The following TMTC3 variants were observed in gnomAD, a reference collection of about 807,000 sequenced individuals.
TMTC3 encodes protein O-mannosyl-transferase TMTC3.
A neutral mutation model predicts 92.2 loss-of-function variants in TMTC3; 52 were observed. That is an observed-to-expected ratio of 0.56 (90% CI 0.45 to 0.71). The LOEUF is 0.71. Among genes scored for constraint, TMTC3 ranks in the 30% least tolerant of loss-of-function variants. The probability of loss-of-function intolerance (pLI) is 0.00; values close to 1 mark genes in which losing one functional copy is unlikely to be tolerated. For synonymous variants in TMTC3, 339 were observed against 363.3 expected, an observed-to-expected ratio of 0.93 and a Z score of 0.76; for missense variants, 896 against 1,057.1, an observed-to-expected ratio of 0.85 and a Z score of 2.11.
intron 2 of TMTC3, among the ~76,000 whole-genome samples, chr12:88,152,030 C>T (rs2040949098): frequency 6.6e-6 from 1 of 152,174 alleles, no homozygotes; most frequent in Admixed American, 6.5e-5. Context: ...CTTAAGTCTA[C>T]TTGTGTGCCA....
At chr12:88,184,714 C>T (rs1008469078) in intron 10 of TMTC3, among the ~76,000 whole-genome samples, 1 of 152,096 alleles carries the variant, frequency 6.6e-6, no homozygotes, top group African/African-American at 2.4e-5. Context: ...TTCCTCCCTT[C>T]GTGGAGTTTC....
Position 88,166,348 on chromosome 12 carries a change from T to A in TMTC3, c.816T>A (p.Ala272=), listed in dbSNP as rs1250204793. The change falls in exon 7 of 14, where the codon GCT becomes GCA. Residue 272 remains alanine (A), a synonymous_variant. Transcript: ENST00000266712. The part of the protein sequence containing the change: ...PVFTRFDNPA[A]VSPTPTRQLT... ...TATACAGGTTTGATAACCCAGCTGC[T>A]GTAAGCCCAACTCCTACAAGGCAAC... 1.9e-6 allele frequency: 3 copies of A among 1,613,678 alleles called. No individual in the cohort carries two copies. The African/African-American group carries it at 4.0e-5, about 22-fold the overall frequency.
intron 4 of TMTC3, among the ~76,000 whole-genome samples, chr12:88,155,037 A>G (rs1255082431): frequency 6.6e-6 from 1 of 152,224 alleles, no homozygotes; most frequent in Non-Finnish European, 1.5e-5. Flanking sequence ...GACTAGTTTT[A>G]TGTGTGGAAA....
chr12:88,199,273 C>T lies in TMTC3; in HGVS notation c.*3624C>T, dbSNP rs1188597515. ...GTGCCTGGTATTGCCTCTGGCATAA[C>T]TTAGAGGAAATTGTTCTACCTATAT... On this transcript the variant is annotated 3_prime_UTR_variant, in exon 14 of 14. Transcript: ENST00000266712. The T allele has an allele frequency of 1.3e-5, 2 of 152,088 alleles. No homozygotes were observed. Among genetic ancestry groups the T allele is most frequent in the East Asian group, 1.9e-4 (1 of 5,182 alleles). The allele number at this position is 152,088 out of a possible 1,614,324, so 9.4% of individuals were successfully genotyped here.
At chr12:88,167,310 A>T (rs1384984697) in intron 7 of TMTC3, among the ~76,000 whole-genome samples, 1 of 152,142 alleles carries the variant, frequency 6.6e-6, no homozygotes, top group Non-Finnish European at 1.5e-5. Flanking sequence ...AGGCGGAGGC[A>T]CAAGAATCAC....
rs2041542095 is a variant in TMTC3 at position 88,198,576 on chromosome 12, A to G, written c.*2927A>G. 1 of 394,366 alleles carries G rather than the reference A, an allele frequency of 2.5e-6. No homozygotes were observed. The highest frequency in any genetic ancestry group is 1.4e-4 in the South Asian group (1 of 7,026). 24.4% of individuals were successfully genotyped at this position (394,366 alleles called of 1,614,324 possible). A position where few individuals can be genotyped will look rare whatever the true frequency, so the allele number is the denominator to read the frequency against. On this transcript the variant is annotated 3_prime_UTR_variant, in exon 14 of 14. Transcript: ENST00000266712. ...TTCTGAAATTGGTAACTTGGAGAGT[A>G]AAATAACGTATTTTGCTTTTCAATT...
chr12:88,184,813 A>G (rs1249922939), intron 10 of TMTC3, among the ~76,000 whole-genome samples: 1 of 151,974 alleles, frequency 6.6e-6, no homozygotes, highest in Non-Finnish European at 1.5e-5. Context: ...ATATATATAT[A>G]CACACACACA....
chr12:88,143,336 A>G (rs1240768392), intron 1 of TMTC3, among the ~76,000 whole-genome samples: 1 of 152,222 alleles, frequency 6.6e-6, no homozygotes, highest in African/African-American at 2.4e-5. Flanking sequence ...CATTAGTTAG[A>G]TTTATAGGAA....
At position 88,190,616 on chromosome 12, in the gene TMTC3, T is replaced by G; in HGVS notation, c.1700T>G (p.Ile567Ser). ...AGGCCCGACTTCAAGCAGGCTTACA[T>G]TAGCAGGTATCCCAGTTCAACTTTA... ...SMRPDFKQAY[I>S]SRGELLLKMN... Residue 567 changes from isoleucine (I) to serine (S), a missense_variant, in exon 12 of 14, where the codon ATT becomes AGT. Transcript: ENST00000266712. 2 of 1,613,702 alleles carry G rather than the reference T, an allele frequency of 1.2e-6. No individual in the cohort carries two copies. The highest frequency in any genetic ancestry group is 1.7e-6 in the Non-Finnish European group (2 of 1,179,772).
intron 1 of TMTC3, among the ~76,000 whole-genome samples, chr12:88,144,222 C>A (rs2040843519): frequency 6.6e-6 from 1 of 152,114 alleles, no homozygotes; most frequent in Non-Finnish European, 1.5e-5. Flanking sequence ...GAATGCAGCC[C>A]AGTAGGTCTC....
At chr12:88,171,452 GTTGT>G (rs2041203860) in intron 7 of TMTC3, among the ~76,000 whole-genome samples, 1 of 152,032 alleles carries the variant, frequency 6.6e-6, no homozygotes, top group African/African-American at 2.4e-5. Context: ...GAGATCATGC[GTTGT>G]TTGTCTTTCT....
Position 88,196,684 on chromosome 12 carries a change from G to GTA in TMTC3, c.*1039_*1040dup, listed in dbSNP as rs1185757826. ...ACTAACTTCTTGATATTTTGTTATG[G>GTA]TATATCTTTTTATTAAATATTTATT... is the stretch of plus-strand genomic sequence containing the variant. On this transcript the variant is annotated 3_prime_UTR_variant, in exon 14 of 14. Coordinates refer to ENST00000266712, the MANE Select transcript of TMTC3 (RefSeq NM_181783.4). The GTA allele has an allele frequency of 6.6e-6, 1 of 151,668 alleles. No homozygotes were observed. Among genetic ancestry groups the GTA allele is most frequent in the Non-Finnish European group, 1.5e-5 (1 of 67,778 alleles). The allele number at this position is 151,668 out of a possible 1,614,324, so 9.4% of individuals were successfully genotyped here. A position where few individuals can be genotyped will look rare whatever the true frequency, so the allele number is the denominator to read the frequency against.
chr12:88,158,603 T>C (rs969436624), intron 4 of TMTC3, among the ~76,000 whole-genome samples: 1 of 152,146 alleles, frequency 6.6e-6, no homozygotes, highest in Non-Finnish European at 1.5e-5. Context: ...TCAGTAATTT[T>C]AGTCTACAGA....
intron 8 of TMTC3, among the ~76,000 whole-genome samples, chr12:88,173,585 A>T (rs1052849769): frequency 1.3e-5 from 2 of 151,906 alleles, no homozygotes; most frequent in Non-Finnish European, 2.9e-5. Flanking sequence ...GAATATTTAC[A>T]TTTTTCAAAG....
At chr12:88,154,781 T>G (rs2040985671) in intron 4 of TMTC3, among the ~76,000 whole-genome samples, 1 of 152,178 alleles carries the variant, frequency 6.6e-6, no homozygotes, top group Non-Finnish European at 1.5e-5. Context: ...AAAAGCCTCC[T>G]AGAATATAAC....
chr12:88,165,696 T>G (rs1024024555), intron 6 of TMTC3, among the ~76,000 whole-genome samples: 3 of 152,106 alleles, frequency 2.0e-5, no homozygotes, highest in African/African-American at 7.2e-5. Flanking sequence ...AAGCTTATAT[T>G]AGTATTTACT....
At chr12:88,173,149 G>A (rs2041223692) in intron 8 of TMTC3, 1 of 1,138,646 alleles carries the variant, frequency 8.8e-7, no homozygotes, top group Admixed American at 3.4e-5. Flanking sequence ...GTAATTTCTT[G>A]CTATCATCAC....
chr12:88,187,868 T>A (rs961141203), intron 10 of TMTC3, among the ~76,000 whole-genome samples: 5 of 152,210 alleles, frequency 3.3e-5, no homozygotes, highest in Non-Finnish European at 5.9e-5. Flanking sequence ...TGATTTAAGA[T>A]CTTCTACCTT....
chr12:88,148,988 TGTGA>T (rs2040909391), intron 2 of TMTC3, among the ~76,000 whole-genome samples: 1 of 152,160 alleles, frequency 6.6e-6, no homozygotes, highest in Non-Finnish European at 1.5e-5. Context: ...TTTTCTGTCT[TGTGA>T]GTAAGGCAAA....
Sources: allele counts gnomAD v4.1 joint callset (sites outside exome capture counted in the v4.1 genomes callset), GRCh38; gene constraint gnomAD v4.1.1; transcripts MANE v1.5; gene names NCBI Gene and HGNC (gene_info 2026-07-23, HGNC 2026-07-21).